The following PBX1 variants were observed in gnomAD, a reference collection of about 807,000 sequenced individuals.
The protein encoded by PBX1 is PBX homeobox 1, also known as pre-B-cell leukemia transcription factor 1.
A neutral mutation model predicts 53.4 loss-of-function variants in PBX1; 6 were observed. That is an observed-to-expected ratio of 0.11 (90% CI 0.06 to 0.22). The LOEUF is 0.22. Ranked by LOEUF, PBX1 falls within the 10% of genes least tolerant of loss-of-function variation. The pLI, the probability that PBX1 is intolerant of heterozygous loss-of-function variation, is 1.00. For missense variants in PBX1, 251 were observed against 551.4 expected (o/e 0.46, Z 5.46); for synonymous variants, 204 against 212.3 (o/e 0.96, Z 0.34).
intron 2 of PBX1, chr1:164,700,449 G>A (rs1663052524): frequency 1.0e-6 from 1 of 984,974 alleles, no homozygotes; most frequent in South Asian, 4.7e-5. Context: ...ACGTAGGGGA[G>A]GAGATTCATG....
chr1:164,787,101 C>G (rs1668236970), intron 2 of PBX1, among the ~76,000 whole-genome samples: 1 of 152,100 alleles, frequency 6.6e-6, no homozygotes, highest in Non-Finnish European at 1.5e-5. Context: ...TCTTTTCTAA[C>G]TCTTCTGGTA....
At chr1:164,599,721 A>G (rs898394926) in intron 2 of PBX1, among the ~76,000 whole-genome samples, 2 of 152,188 alleles carry the variant, frequency 1.3e-5, no homozygotes, top group Non-Finnish European at 2.9e-5. Context: ...CTTAGATTCA[A>G]TGGGTTGTGC....
At chr1:164,609,357 AT>A (rs1408897669) in intron 2 of PBX1, among the ~76,000 whole-genome samples, 1 of 152,080 alleles carries the variant, frequency 6.6e-6, no homozygotes, top group East Asian at 1.9e-4. Flanking sequence ...TGTTAGGCAC[AT>A]TTTTTTGTAC....
At chr1:164,839,562 C>T (rs962913255) in intron 8 of PBX1, among the ~76,000 whole-genome samples, 9 of 152,028 alleles carry the variant, frequency 5.9e-5, no homozygotes, top group Non-Finnish European at 1.3e-4. Context: ...TCAAGCTGGG[C>T]CTTGAAAGAT....
At chr1:164,640,468 C>T (rs1281802382) in intron 2 of PBX1, among the ~76,000 whole-genome samples, 2 of 151,704 alleles carry the variant, frequency 1.3e-5, no homozygotes, top group Non-Finnish European at 1.5e-5. Context: ...GTGCAACACA[C>T]ATACTGGGAA....
chr1:164,615,421 C>CT (rs1362050850), intron 2 of PBX1, among the ~76,000 whole-genome samples: 1 of 151,658 alleles, frequency 6.6e-6, no homozygotes, highest in Non-Finnish European at 1.5e-5. Context: ...TAATAACATT[C>CT]TTTTTTTTAG....
intron 2 of PBX1, among the ~76,000 whole-genome samples, chr1:164,746,584 C>T (rs1665907149): frequency 1.3e-5 from 2 of 151,986 alleles, no homozygotes; most frequent in Non-Finnish European, 2.9e-5. Context: ...ACCACATTGG[C>T]CAGGCTGTTC....
At chr1:164,789,231 T>C (rs1397876752) in intron 2 of PBX1, among the ~76,000 whole-genome samples, 1 of 152,152 alleles carries the variant, frequency 6.6e-6, no homozygotes, top group Non-Finnish European at 1.5e-5. Flanking sequence ...GGCCAAGAAA[T>C]GTATTAATTA....
At chr1:164,692,001 A>G (rs1258623014) in intron 2 of PBX1, among the ~76,000 whole-genome samples, 1 of 152,254 alleles carries the variant, frequency 6.6e-6, no homozygotes, top group Admixed American at 6.5e-5. Flanking sequence ...AATCTTGTGT[A>G]TAGACATGGG....
chr1:164,687,667 C>T (rs1552562), intron 2 of PBX1, among the ~76,000 whole-genome samples: 45,355 of 151,370 alleles, frequency 0.3, 6,884 homozygotes, highest in East Asian at 0.42. Context: ...TACAGGGATT[C>T]TCGTTGCACA....
In PBX1 at chr1:164,848,609, CTT is replaced by C; in HGVS notation, c.*1936_*1937del. 38 of 1,057,784 alleles carry C rather than the reference CTT, an allele frequency of 3.6e-5. No homozygotes were observed. The highest frequency in any genetic ancestry group is 4.2e-5 in the Non-Finnish European group (37 of 874,684). The allele number at this position is 1,057,784 out of a possible 1,614,324, so 65.5% of individuals were successfully genotyped here. ...TGATCTTCTTGGTTTTGGTCTGTCT[CTT>C]TTCTTAGGATAAAGAAAAACTTCCA... On this transcript the variant is annotated 3_prime_UTR_variant, in exon 9 of 9. Coordinates refer to ENST00000420696, the MANE Select transcript of PBX1 (RefSeq NM_002585.4).
chr1:164,718,649 G>A (rs1202991637), intron 2 of PBX1, among the ~76,000 whole-genome samples: 1 of 152,164 alleles, frequency 6.6e-6, no homozygotes, highest in Non-Finnish European at 1.5e-5. Context: ...TTGAGGATGA[G>A]CCCAGCCCAC....
At chr1:164,844,630 A>T (rs989505612) in intron 8 of PBX1, among the ~76,000 whole-genome samples, 9 of 152,284 alleles carry the variant, frequency 5.9e-5, no homozygotes, top group African/African-American at 1.7e-4. Flanking sequence ...TTTTTATTTT[A>T]AAAAATGACA....
chr1:164,723,816 G>C (rs1022777151), intron 2 of PBX1, among the ~76,000 whole-genome samples: 1 of 152,188 alleles, frequency 6.6e-6, no homozygotes, highest in Non-Finnish European at 1.5e-5. Context: ...ATCATAAGCT[G>C]CCGAGTCAGA....
Position 164,846,681 on chromosome 1 carries a change from C to A in PBX1, c.*5C>A, listed in dbSNP as rs766036629. The A allele has an allele frequency of 5.6e-6, 9 of 1,614,088 alleles. No individual in the cohort carries two copies. The highest frequency in any genetic ancestry group is 7.6e-6 in the Non-Finnish European group (9 of 1,179,978). On this transcript the variant is annotated 3_prime_UTR_variant, in exon 9 of 9. Transcript: ENST00000420696. ...CACTCTGATACCTCCAACTGATCTC[C>A]CAGCAATCGCATCCCGGCTGACCCT...
chr1:164,609,016 C>G (rs1656734361), intron 2 of PBX1, among the ~76,000 whole-genome samples: 1 of 152,030 alleles, frequency 6.6e-6, no homozygotes, highest in Admixed American at 6.6e-5. Context: ...GCTCCACTGT[C>G]TGAGGGGAAA....
At chr1:164,735,392 C>G (rs1236347770) in intron 2 of PBX1, among the ~76,000 whole-genome samples, 3 of 152,022 alleles carry the variant, frequency 2.0e-5, no homozygotes, top group Non-Finnish European at 2.9e-5. Flanking sequence ...TGTATGTGCT[C>G]CATGAGTACA....
chr1:164,798,360 T>A (rs1402565758), intron 3 of PBX1, among the ~76,000 whole-genome samples: 1 of 152,280 alleles, frequency 6.6e-6, no homozygotes. Flanking sequence ...CAAAGCATCA[T>A]CTTGCCTTTT....
chr1:164,820,121 C>T lies in PBX1; in HGVS notation c.1047C>T (p.Ser349=), dbSNP rs765425125. The T allele has an allele frequency of 3.5e-5, 56 of 1,613,576 alleles. No individual in the cohort carries two copies. The highest frequency in any genetic ancestry group is 4.1e-5 in the Non-Finnish European group (48 of 1,179,778). The part of the protein sequence containing the change: ...NMSNSGDLFM[S]VQSLNGDSYQ... ...CAAACTCTGGAGATTTGTTCATGAG[C>T]GTGCAGTCACTCAATGGGGATTCTT... is the stretch of plus-strand genomic sequence containing the variant. The change falls in exon 7 of 9, where the codon AGC becomes AGT. Residue 349 remains serine (S), a synonymous_variant. Transcript: ENST00000420696.
Sources: gnomAD v4.1 joint callset for allele counts (sites outside exome capture counted in the v4.1 genomes callset) on GRCh38, gnomAD v4.1.1 for gene constraint, MANE v1.5 for transcripts, NCBI Gene and HGNC (gene_info 2026-07-23, HGNC 2026-07-21) for gene names.